ADCY8: variants seen among roughly 807,000 people sequenced by gnomAD.
ADCY8 encodes adenylate cyclase type 8.
In ADCY8, 51 loss-of-function variants were observed where a neutral mutation model predicts 119.7. The observed-to-expected ratio is 0.43, with a 90% CI of 0.34 to 0.54. The LOEUF (loss-of-function observed/expected upper bound fraction) is 0.54. Ranked by LOEUF, ADCY8 falls within the 20% of genes least tolerant of loss-of-function variation. The pLI is 0.03. For synonymous variants in ADCY8, 665 were observed against 651.0 expected, an observed-to-expected ratio of 1.02 and a Z score of -0.33; for missense variants, 1,383 against 1,598.8, an observed-to-expected ratio of 0.87 and a Z score of 2.30.
rs147335730 is a variant in ADCY8 at position 131,028,438 on chromosome 8, C to T, written c.960+10936G>A. 4.0e-3 allele frequency among the ~76,000 whole-genome samples: 602 copies of T among 152,192 alleles called. 3 individuals are homozygous for T. Among genetic ancestry groups the T allele is most frequent in the South Asian group, 7.1e-3 (34 of 4,818 alleles). On this transcript the variant is annotated intron_variant, in intron 1 of 17. Coordinates refer to ENST00000286355, the MANE Select transcript of ADCY8 (RefSeq NM_001115.3). Reference sequence around the variant, plus strand: ...TGAACTCATTCTCAAATGAACTACCCGCCTCCAATAGGCTGGGAAGGCTCA... The same window carrying T: ...TGAACTCATTCTCAAATGAACTACCTGCCTCCAATAGGCTGGGAAGGCTCA...
rs756559749 is a variant in ADCY8, at chr8:130,800,451, T to C, written c.3035A>G (p.Asn1012Ser). ...CTCATCGAAGTCAGCAATGATCTCA[T>C]TGAGCAAGCGCAGGCATTCCACTCC... Reference protein sequence around the residue: ...NQGVECLRLLNEIIADFDELL... With the variant: ...NQGVECLRLLSEIIADFDELL... The change falls in exon 15 of 18, where the codon AAT (asparagine) becomes AGT (serine). Residue 1012 changes from asparagine (N) to serine (S), a missense_variant. By Grantham distance (46) the Asn-to-Ser change is conservative. Coordinates refer to ENST00000286355, the MANE Select transcript of ADCY8 (RefSeq NM_001115.3). The C allele has an allele frequency of 1.8e-5, 29 of 1,614,098 alleles. No homozygotes were observed. The highest frequency in any genetic ancestry group is 6.6e-5 in the South Asian group (6 of 91,084).
intron 2 of ADCY8, among the ~76,000 whole-genome samples, chr8:130,958,132 G>A (rs1821488369): frequency 6.6e-6 from 1 of 152,204 alleles, no homozygotes. Flanking sequence ...TGTGGGAAAA[G>A]TGATGCTTAG....
intron 8 of ADCY8, among the ~76,000 whole-genome samples, chr8:130,876,935 C>T (rs1467183190): frequency 6.6e-6 from 1 of 152,108 alleles, no homozygotes; most frequent in East Asian, 1.9e-4. Context: ...GCTTGGGAGA[C>T]ACAGTGAACT....
chr8:130,797,016 G>A (rs942043873), intron 15 of ADCY8, among the ~76,000 whole-genome samples: 3 of 152,312 alleles, frequency 2.0e-5, no homozygotes, highest in Non-Finnish European at 2.9e-5. Flanking sequence ...ACTCTAGAGT[G>A]TCAACAATTT....
chr8:131,022,583 A>T (rs1823707885), intron 1 of ADCY8, among the ~76,000 whole-genome samples: 1 of 152,138 alleles, frequency 6.6e-6, no homozygotes, highest in African/African-American at 2.4e-5. Context: ...TCAGAACTTT[A>T]TATTATTTGA....
chr8:130,811,821 C>A (rs925020411), intron 14 of ADCY8, among the ~76,000 whole-genome samples: 2 of 152,158 alleles, frequency 1.3e-5, no homozygotes, highest in African/African-American at 4.8e-5. Context: ...TAACACGAAA[C>A]CCAAAGATGT....
intron 1 of ADCY8, among the ~76,000 whole-genome samples, chr8:130,992,162 C>T (rs1156959936): frequency 6.6e-6 from 1 of 150,588 alleles, no homozygotes; most frequent in Non-Finnish European, 1.5e-5. Context: ...TCACTGCAAC[C>T]TCTGCCTCTG....
chr8:130,993,180 A>AT lies in ADCY8; in HGVS notation c.961-2639dup, dbSNP rs561797690. Among the ~76,000 whole-genome samples the AT allele has an allele frequency of 4.6e-5, 7 of 152,282 alleles. No individual in the cohort carries two copies. The South Asian group carries it at 1.2e-3, about 27-fold the overall frequency. On this transcript the variant is annotated intron_variant, in intron 1 of 17. Transcript: ENST00000286355. Reference sequence around the variant, plus strand: ...TTGTATAAATGCCAGACTAAAGATAATTTTTTGAAAAGGGCATTACTAGAG... The same window carrying AT: ...TTGTATAAATGCCAGACTAAAGATAATTTTTTTGAAAAGGGCATTACTAGAG...
At chr8:130,950,371 C>CAG (rs1376581086) in intron 3 of ADCY8, among the ~76,000 whole-genome samples, 1 of 152,150 alleles carries the variant, frequency 6.6e-6, no homozygotes, top group Non-Finnish European at 1.5e-5. Context: ...GAAGTCAGGG[C>CAG]AGAGCAAAGA....
chr8:130,906,694 T>C (rs562092973), intron 6 of ADCY8, among the ~76,000 whole-genome samples: 10 of 152,036 alleles, frequency 6.6e-5, no homozygotes, highest in Non-Finnish European at 1.5e-4. Flanking sequence ...TCTAAGGAAA[T>C]GAGTCAAGTA....
chr8:130,901,710 G>A (rs1819609400), intron 7 of ADCY8, among the ~76,000 whole-genome samples: 2 of 152,088 alleles, frequency 1.3e-5, no homozygotes, highest in Non-Finnish European at 2.9e-5. Context: ...AATATTATTG[G>A]TGGCACGCGG....
intron 3 of ADCY8, among the ~76,000 whole-genome samples, chr8:130,944,050 G>T (rs1013286974): frequency 6.6e-6 from 1 of 152,160 alleles, no homozygotes; most frequent in African/African-American, 2.4e-5. Context: ...GTGAGGTCTT[G>T]TTCTATGTAT....
At chr8:130,996,537 A>G (rs1822780771) in intron 1 of ADCY8, among the ~76,000 whole-genome samples, 1 of 152,138 alleles carries the variant, frequency 6.6e-6, no homozygotes. Context: ...CAGACAATAA[A>G]AATTGTAAAA....
intron 1 of ADCY8, among the ~76,000 whole-genome samples, chr8:131,005,964 G>T (rs1563764574): frequency 6.6e-6 from 1 of 152,120 alleles, no homozygotes; most frequent in Non-Finnish European, 1.5e-5. Flanking sequence ...ACACCTTGGT[G>T]TTTGCACATT....
chr8:130,909,405 G>A (rs1408074930), intron 6 of ADCY8, among the ~76,000 whole-genome samples: 1 of 152,162 alleles, frequency 6.6e-6, no homozygotes, highest in Non-Finnish European at 1.5e-5. Flanking sequence ...AACTGGCATG[G>A]GGTCTGGACA....
Position 130,903,885 on chromosome 8 carries a change from C to T in ADCY8, c.1798G>A (p.Asp600Asn). 1.2e-6 allele frequency: 2 copies of T among 1,614,098 alleles called. No homozygotes were observed. The highest frequency in any genetic ancestry group is 2.7e-5 in the African/African-American group (2 of 75,040). ...GAGCTCACTGACTCCTTGACGATAT[C>T]TTCAGGCAAGGACAGCAGACTGTCC... Reference protein sequence around the residue: ...PEDSLLSLPEDIVKESVSSSD... With the variant: ...PEDSLLSLPENIVKESVSSSD... The change falls in exon 7 of 18, where the codon GAT becomes AAT. Residue 600 changes from aspartate to asparagine, a missense_variant. Physicochemically the swap from Asp to Asn is conservative, Grantham distance 23 (BLOSUM62 1). Coordinates refer to ENST00000286355, the MANE Select transcript of ADCY8 (RefSeq NM_001115.3).
chr8:130,955,404 C>A (rs887476367), intron 2 of ADCY8, among the ~76,000 whole-genome samples: 1 of 152,118 alleles, frequency 6.6e-6, no homozygotes, highest in African/African-American at 2.4e-5. Flanking sequence ...CAGTTGGAAG[C>A]TTCCCCTTCA....
At chr8:130,968,174 C>CTT (rs113345725) in intron 2 of ADCY8, among the ~76,000 whole-genome samples, 1 of 142,832 alleles carries the variant, frequency 7.0e-6, no homozygotes. Context: ...AGTTATTCTG[C>CTT]TTTTTTTTTT....
At chr8:130,924,678 G>A (rs1469782600) in intron 5 of ADCY8, among the ~76,000 whole-genome samples, 1 of 152,084 alleles carries the variant, frequency 6.6e-6, no homozygotes, top group Non-Finnish European at 1.5e-5. Flanking sequence ...GGTAAAGTAG[G>A]AGCCCACTTC....
Sources: allele counts gnomAD v4.1 joint callset (sites outside exome capture counted in the v4.1 genomes callset), GRCh38; gene constraint gnomAD v4.1.1; transcripts MANE v1.5; gene names NCBI Gene and HGNC (gene_info 2026-07-23, HGNC 2026-07-21).